OBSL1: variants seen among roughly 807,000 people sequenced by gnomAD.
The protein encoded by OBSL1 is obscurin like cytoskeletal adaptor 1.
In OBSL1, 160 loss-of-function variants were observed where a neutral mutation model predicts 172.0. The observed-to-expected ratio is 0.93, with a 90% CI of 0.82 to 1.06. The LOEUF is 1.06. Among genes scored for constraint, OBSL1 ranks in the 50% least tolerant of loss-of-function variants. OBSL1 has a pLI of 0.00. For synonymous variants in OBSL1, 1,200 were observed against 1,196.3 expected (o/e 1.00, Z -0.06); for missense variants, 2,681 against 2,715.4 (o/e 0.99, Z 0.28).
In OBSL1 at chr2:219,571,267, G is replaced by C. The variant is rs1038778819; in HGVS notation, c.-35C>G. 5.2e-6 allele frequency: 6 copies of C among 1,163,886 alleles called. No individual in the cohort carries two copies. The highest frequency in any genetic ancestry group is 5.5e-6 in the Non-Finnish European group (5 of 916,444). 72.1% of individuals were successfully genotyped at this position (1,163,886 alleles called of 1,614,324 possible). On this transcript the variant is annotated 5_prime_UTR_variant, in exon 1 of 21. Coordinates refer to ENST00000404537, the MANE Select transcript of OBSL1 (RefSeq NM_015311.3). The stretch of plus-strand genomic sequence containing the variant: ...CGACCGCCTGCAGCGGCGAACGGTG[G>C]GGGGGCAGGGGGGGGTGCGGAGGGC...
chr2:219,547,933 G>T, downstream of OBSL1: 1 of 1,595,160 alleles, frequency 6.3e-7, no homozygotes, highest in Non-Finnish European at 8.5e-7. Context: ...TACTGCTGGG[G>T]CGCTACGTGG....
intron 15 of OBSL1, 87 bp downstream of exon 15, chr2:219,554,387 G>T (rs1695848061): frequency 4.1e-6 from 6 of 1,469,730 alleles, no homozygotes; most frequent in Non-Finnish European, 4.7e-6. Flanking sequence ...GTCAGTGGGG[G>T]TCACACGAGT....
At chr2:219,550,310 C>T (rs1309433558), downstream of OBSL1, 2 of 185,284 alleles carry the variant, frequency 1.1e-5, no homozygotes, top group Non-Finnish European at 2.3e-5. Flanking sequence ...CGCAGCCAGA[C>T]TCATCTAAGG....
In OBSL1 at chr2:219,570,445, G is replaced by A. The variant is rs1272839723; in HGVS notation, c.788C>T (p.Ala263Val). The A allele has an allele frequency of 6.2e-7, 1 of 1,613,136 alleles. No homozygotes were observed. Among genetic ancestry groups the A allele is most frequent in the East Asian group, 2.2e-5 (1 of 44,858 alleles). ...GCCCATCACGTAGCAGCGGAACTTG[G>A]CGTGCTTGCCCTCGTTCACCCAGAA... The part of the protein sequence containing the change: ...KTFWVNEGKH[A>V]KFRCYVMGKP... The change falls in exon 1 of 21, where the codon GCC becomes GTC. Residue 263 changes from alanine to valine, a missense_variant. Coordinates refer to ENST00000404537, the MANE Select transcript of OBSL1 (RefSeq NM_015311.3).
chr2:219,551,977 G>T, intron 19 of OBSL1, 135 bp downstream of exon 19: 1 of 1,016,798 alleles, frequency 9.8e-7, no homozygotes, highest in Non-Finnish European at 1.5e-6. Context: ...TGCCCTCTGT[G>T]ACCCGGCCCA....
At chr2:219,562,115 A>G (rs1315989731) in intron 8 of OBSL1, 1 of 695,600 alleles carries the variant, frequency 1.4e-6, no homozygotes, top group African/African-American at 1.8e-5. Context: ...CAGCTCATTC[A>G]GAATAGGGAC....
chr2:219,549,362 C>G (rs1436985833), downstream of OBSL1: 1 of 1,606,692 alleles, frequency 6.2e-7, no homozygotes, highest in Admixed American at 1.7e-5. Flanking sequence ...CCGGTGAGCT[C>G]CCTGAGCCCA....
Position 219,571,282 on chromosome 2 carries a change from GTGCGGAGGGCGA to G in OBSL1, c.-62_-51del. On this transcript the variant is annotated 5_prime_UTR_variant, in exon 1 of 21. Transcript: ENST00000404537. ...GCGAACGGTGGGGGGGCAGGGGGGG[GTGCGGAGGGCGA>G]GCCGAGGCCCGGGGCGGCGGGGTCG... The G allele has an allele frequency of 1.9e-6, 2 of 1,028,156 alleles. No homozygotes were observed. The highest frequency in any genetic ancestry group is 2.5e-6 in the Non-Finnish European group (2 of 799,312). The allele number at this position is 1,028,156 out of a possible 1,614,324, so 63.7% of individuals were successfully genotyped here.
At chr2:219,565,203 G>A (rs1420583081) in intron 6 of OBSL1, 39 bp downstream of exon 6, 2 of 1,567,478 alleles carry the variant, frequency 1.3e-6, no homozygotes, top group Non-Finnish European at 1.7e-6. Flanking sequence ...CCCACAATCA[G>A]CCTTGGCTGG....
At chr2:219,562,772 G>C (rs1175005433) in intron 7 of OBSL1, 98 bp from the exon 8 acceptor site, 1 of 1,333,624 alleles carries the variant, frequency 7.5e-7, no homozygotes. Context: ...TAGGCCATGT[G>C]TTGAAGAGGG....
downstream of OBSL1, chr2:219,549,838 C>T: frequency 1.2e-6 from 2 of 1,614,084 alleles, no homozygotes; most frequent in African/African-American, 2.7e-5. Context: ...TGCTCAGGCC[C>T]CCCAGTGCGG....
chr2:219,548,085 A>G (rs759531718), downstream of OBSL1: 1 of 1,536,282 alleles, frequency 6.5e-7, no homozygotes, highest in African/African-American at 1.3e-5. Flanking sequence ...ACGGAAGGTA[A>G]GGGGGCACAG....
rs1264415862 is a variant in OBSL1 at position 219,568,963 on chromosome 2, G to A, written c.1013-639C>T. The stretch of plus-strand genomic sequence containing the variant: ...GGGGTTTTGCCATGTTGGCCAGGCT[G>A]TTCTCGAACTCCTGACCTCAAATGA... On this transcript the variant is annotated intron_variant, in intron 1 of 20. Coordinates refer to ENST00000404537, the MANE Select transcript of OBSL1 (RefSeq NM_015311.3). The surrounding 1 kb of genome is among the most constrained non-coding windows in gnomAD (Gnocchi z 4.1). 1.3e-5 allele frequency among the ~76,000 whole-genome samples: 2 copies of A among 151,386 alleles called. No individual in the cohort carries two copies. The highest frequency in any genetic ancestry group is 2.9e-5 in the Non-Finnish European group (2 of 67,910).
At chr2:219,564,286 G>A (rs1574562470) in intron 6 of OBSL1, among the ~76,000 whole-genome samples, 1 of 152,312 alleles carries the variant, frequency 6.6e-6, no homozygotes, top group South Asian at 2.1e-4. Context: ...GCCAGCCTAC[G>A]GACTGCCTTG....
At chr2:219,555,138 T>G in intron 14 of OBSL1, 1 of 212,120 alleles carries the variant, frequency 4.7e-6, no homozygotes. Flanking sequence ...GCCCCAGCTG[T>G]ACAAGGTGAA....
At chr2:219,548,153 G>A (rs1695432718), downstream of OBSL1, 4 of 1,340,082 alleles carry the variant, frequency 3.0e-6, no homozygotes, top group Non-Finnish European at 4.0e-6. Flanking sequence ...CCAAGTGACT[G>A]GGGAGTGGGG....
At position 219,559,369 on chromosome 2, in the gene OBSL1, C is replaced by G. The variant is rs200920323; in HGVS notation, c.3082G>C (p.Glu1028Gln). The change falls in exon 9 of 21, where the codon GAA becomes CAA. Residue 1028 changes from glutamate (E) to glutamine (Q), a missense_variant. This residue lies in a region of OBSL1 where 1,765 missense variants were observed against 1,748.3 expected (regional missense o/e 1.01). Transcript: ENST00000404537. Reference sequence around the variant, plus strand: ...ACCAGGGCCTCGCTCTCCTCCACTTCCAGCCCATCCTTGTACCAGCGCACA... The same window carrying G: ...ACCAGGGCCTCGCTCTCCTCCACTTGCAGCCCATCCTTGTACCAGCGCACA... ...APVRWYKDGL[E>Q]VEESEALVLE... 1.7e-4 allele frequency: 267 copies of G among 1,614,016 alleles called. 1 individual carries two copies. The African/African-American group carries it at 3.0e-3, about 18-fold the overall frequency.
At position 219,557,621 on chromosome 2, in the gene OBSL1, G is replaced by T; in HGVS notation, c.3791-3C>A. The T allele has an allele frequency of 1.3e-6, 2 of 1,534,480 alleles. No individual in the cohort carries two copies. The highest frequency in any genetic ancestry group is 1.8e-6 in the Non-Finnish European group (2 of 1,137,414). Reference sequence around the variant, plus strand: ...AGCTACCACCCGCACAGGGGGCTCTGTGGAGTCAGAGCTGGAGGTCACTGG... The same window carrying T: ...AGCTACCACCCGCACAGGGGGCTCTTTGGAGTCAGAGCTGGAGGTCACTGG... On this transcript the variant is annotated splice_polypyrimidine_tract_variant and splice_region_variant and intron_variant, in intron 11 of 20. Transcript: ENST00000404537.
rs895557969 is a variant in OBSL1 at position 219,559,374 on chromosome 2, C to T, written c.3077G>A (p.Gly1026Glu). The change falls in exon 9 of 21, where the codon GGG becomes GAG. Residue 1026 changes from glycine (G) to glutamate (E), a missense_variant. Gly to Glu is a moderately conservative substitution (Grantham distance 98). Around this residue, in one of 5 missense-constraint regions of OBSL1, gnomAD observed 1,765 missense variants for 1,748.3 expected, o/e 1.01. Coordinates refer to ENST00000404537, the MANE Select transcript of OBSL1 (RefSeq NM_015311.3). ...GGCCTCGCTCTCCTCCACTTCCAGC[C>T]CATCCTTGTACCAGCGCACAGGGGC... ...EDAPVRWYKD[G>E]LEVEESEALV... The T allele has an allele frequency of 6.2e-7, 1 of 1,613,896 alleles. No homozygotes were observed. The highest frequency in any genetic ancestry group is 1.3e-5 in the African/African-American group (1 of 74,918).
Sources: allele counts gnomAD v4.1 joint callset (sites outside exome capture counted in the v4.1 genomes callset), GRCh38; gene constraint gnomAD v4.1.1; regional missense constraint gnomAD v4.1.1; non-coding constraint Gnocchi (gnomAD v3.1); transcripts MANE v1.5; gene names NCBI Gene and HGNC (gene_info 2026-07-23, HGNC 2026-07-21).